Variants in BBS9 observed in about 807,000 individuals in gnomAD.
BBS9 encodes Bardet-Biedl syndrome 9, also known as protein PTHB1.
A neutral mutation model predicts 117.7 loss-of-function variants in BBS9; 89 were observed. That is an observed-to-expected ratio of 0.76 (90% CI 0.64 to 0.90). The LOEUF is 0.90. BBS9 is among the 40% of genes least tolerant of loss of function. The probability of loss-of-function intolerance (pLI) is 0.00; values close to 1 mark genes in which losing one functional copy is unlikely to be tolerated. For synonymous variants in BBS9, 379 were observed against 370.9 expected, an observed-to-expected ratio of 1.02 and a Z score of -0.25; for missense variants, 982 against 1,042.2, an observed-to-expected ratio of 0.94 and a Z score of 0.80.
chr7:33,212,918 C>G (rs901422838), intron 5 of BBS9, among the ~76,000 whole-genome samples: 3 of 152,176 alleles, frequency 2.0e-5, no homozygotes, highest in African/African-American at 4.8e-5. Context: ...GTGATGCAAG[C>G]AGTCTTGTGG....
rs1170872690 is a variant in BBS9 at position 33,611,752 on chromosome 7, TATA to T, written c.2522-23421_2522-23419del. ...TTAAAGGATTATATTTATTCCTTTATATAATATTATATAATATTATTATATAAT... is the reference window on the plus strand; with the variant it reads ...TTAAAGGATTATATTTATTCCTTTATATATTATATAATATTATTATATAAT... On this transcript the variant is annotated intron_variant, in intron 21 of 21. Transcript: ENST00000671952. Among the ~76,000 whole-genome samples, 6 of 139,232 alleles carry T rather than the reference TATA, an allele frequency of 4.3e-5. No individual in the cohort carries two copies. The South Asian group carries it at 6.4e-4, about 15-fold the overall frequency. 91.3% of individuals were successfully genotyped at this position (139,232 alleles called of 152,430 possible).
intron 9 of BBS9, among the ~76,000 whole-genome samples, chr7:33,318,740 C>T (rs984560037): frequency 3.3e-5 from 5 of 152,106 alleles, no homozygotes; most frequent in Admixed American, 2.6e-4. Flanking sequence ...CCCTTCCTCT[C>T]CTTCCCTTCC....
intron 19 of BBS9, among the ~76,000 whole-genome samples, chr7:33,479,752 C>T (rs1401069292): frequency 6.6e-6 from 1 of 152,106 alleles, no homozygotes; most frequent in Non-Finnish European, 1.5e-5. Context: ...TTTCTCCACA[C>T]TTTTAAATAC....
Position 33,383,826 on chromosome 7 carries a change from T to C in BBS9, c.1950T>C (p.Asp650=), listed in dbSNP as rs764316830. The C allele has an allele frequency of 6.2e-7, 1 of 1,612,050 alleles. No individual in the cohort carries two copies. Among genetic ancestry groups the C allele is most frequent in the Non-Finnish European group, 8.5e-7 (1 of 1,179,786 alleles). ...TTCAAGAATATTTTGAGTTGATTGATCATCATTTTGAGGTATGTATGATCA... is the reference window on the plus strand; with the variant it reads ...TTCAAGAATATTTTGAGTTGATTGACCATCATTTTGAGGTATGTATGATCA... ...IPLQEYFELI[D]HHFELRINGE... The change falls in exon 18 of 23, where the codon GAT becomes GAC. Residue 650 remains aspartate, a synonymous_variant. Coordinates refer to ENST00000242067, the MANE Select transcript of BBS9 (RefSeq NM_198428.3).
At chr7:33,153,633 C>T (rs1251055444) in intron 3 of BBS9, among the ~76,000 whole-genome samples, 1 of 152,066 alleles carries the variant, frequency 6.6e-6, no homozygotes, top group East Asian at 1.9e-4. Flanking sequence ...ATTTATTGGC[C>T]CCAGGGGCCA....
intron 9 of BBS9, among the ~76,000 whole-genome samples, chr7:33,304,226 T>A (rs949307442): frequency 1.4e-5 from 2 of 140,092 alleles, no homozygotes; most frequent in African/African-American, 5.4e-5. Flanking sequence ...GGAGCGCCTC[T>A]GCCCGGCCAC....
chr7:33,422,787 A>T (rs996489369), intron 19 of BBS9, among the ~76,000 whole-genome samples: 19 of 152,100 alleles, frequency 1.2e-4, no homozygotes, highest in Non-Finnish European at 2.2e-4. Context: ...TTTATTTTTT[A>T]AAAATAAAGA....
intron 9 of BBS9, among the ~76,000 whole-genome samples, chr7:33,312,192 C>A (rs1200017876): frequency 6.6e-6 from 1 of 151,850 alleles, no homozygotes; most frequent in Non-Finnish European, 1.5e-5. Context: ...CTTGGTTTCA[C>A]AAGATTAACA....
At chr7:33,305,138 A>T (rs1301384263) in intron 9 of BBS9, among the ~76,000 whole-genome samples, 8 of 72,698 alleles carry the variant, frequency 1.1e-4, no homozygotes, top group Non-Finnish European at 2.7e-4. Flanking sequence ...AATAAATATT[A>T]AAAAAAAAAA....
chr7:33,630,419 T>C (rs1181791311), intron 21 of BBS9, among the ~76,000 whole-genome samples: 1 of 152,120 alleles, frequency 6.6e-6, no homozygotes, highest in Non-Finnish European at 1.5e-5. Flanking sequence ...ATTAAACTCC[T>C]ATAATTATGG....
At chr7:33,470,686 G>T (rs1024762424) in intron 19 of BBS9, among the ~76,000 whole-genome samples, 6 of 152,150 alleles carry the variant, frequency 3.9e-5, no homozygotes, top group Non-Finnish European at 7.3e-5. Context: ...CTCACCGTGG[G>T]TTATAATATA....
At chr7:33,235,078 A>G (rs1473520033) in intron 5 of BBS9, among the ~76,000 whole-genome samples, 1 of 152,186 alleles carries the variant, frequency 6.6e-6, no homozygotes, top group Admixed American at 6.5e-5. Flanking sequence ...GCCATTAAGT[A>G]AGGGATTCTA....
intron 9 of BBS9, among the ~76,000 whole-genome samples, chr7:33,326,111 A>T (rs930890816): frequency 4.6e-5 from 7 of 151,966 alleles, no homozygotes; most frequent in African/African-American, 1.7e-4. Flanking sequence ...GGGTCCAGAG[A>T]TGCTCTCTGG....
At chr7:33,431,394 C>T (rs747915882) in intron 19 of BBS9, among the ~76,000 whole-genome samples, 11 of 152,036 alleles carry the variant, frequency 7.2e-5, no homozygotes, top group African/African-American at 1.9e-4. Context: ...AGTCAGAGTC[C>T]GCTGTGATCT....
intron 21 of BBS9, among the ~76,000 whole-genome samples, chr7:33,587,056 A>G (rs532044505): frequency 6.6e-6 from 1 of 152,184 alleles, no homozygotes; most frequent in South Asian, 2.1e-4. Context: ...AAAATTGGGA[A>G]CAAAAAAGGT....
chr7:33,351,532 G>T, intron 14 of BBS9: 1 of 569,328 alleles, frequency 1.8e-6, no homozygotes, highest in Non-Finnish European at 3.2e-6. Context: ...TGTAATGTTT[G>T]GTTCCCTCTT....
intron 5 of BBS9, among the ~76,000 whole-genome samples, chr7:33,227,607 C>T (rs1023558817): frequency 6.6e-6 from 1 of 151,964 alleles, no homozygotes; most frequent in Non-Finnish European, 1.5e-5. Flanking sequence ...CATCCTTCAC[C>T]CCATTCCCAA....
At chr7:33,487,965 G>A (rs187225113) in intron 19 of BBS9, among the ~76,000 whole-genome samples, 12 of 152,238 alleles carry the variant, frequency 7.9e-5, no homozygotes, top group Admixed American at 7.2e-4. Context: ...GCTATAAATT[G>A]TACATGAAAT....
intron 14 of BBS9, 41 bp from the exon 15 acceptor site, chr7:33,352,818 C>A (rs1228293380): frequency 1.9e-6 from 3 of 1,606,360 alleles, no homozygotes; most frequent in Non-Finnish European, 2.6e-6. Flanking sequence ...TTGTTGCCTT[C>A]TTTTCCCCCT....
Sources: allele counts gnomAD v4.1 joint callset (sites outside exome capture counted in the v4.1 genomes callset), GRCh38; gene constraint gnomAD v4.1.1; transcripts MANE v1.5; gene names NCBI Gene and HGNC (gene_info 2026-07-23, HGNC 2026-07-21).